Variants in ABRA observed in about 807,000 individuals in gnomAD.
The protein encoded by ABRA is actin binding Rho activating protein, also known as actin-binding Rho-activating protein.
ABRA carries 25 observed loss-of-function variants against 33.4 expected under a neutral mutation model. The ratio of observed to expected loss-of-function variants is 0.75; its 90% CI spans 0.55 to 1.04. ABRA has a LOEUF of 1.04. Among genes scored for constraint, ABRA ranks in the 50% least tolerant of loss-of-function variants. The pLI is 0.00. For synonymous variants in ABRA, 193 were observed against 176.8 expected, an observed-to-expected ratio of 1.09 and a Z score of -0.73; for missense variants, 501 against 491.7, an observed-to-expected ratio of 1.02 and a Z score of -0.18.
In ABRA at chr8:106,759,712, G is replaced by A. The variant is rs939989049; in HGVS notation, c.*1325C>T. The A allele has an allele frequency of 7.2e-5, 11 of 152,256 alleles. No homozygotes were observed. Among genetic ancestry groups the A allele is most frequent in the South Asian group, 6.2e-4 (3 of 4,832 alleles). The allele number at this position is 152,256 out of a possible 1,614,324, so 9.4% of individuals were successfully genotyped here. ...GAAAACAAATATAATTCTTATAGCA[G>A]TCTAATACCTATTATTTTGAGGTAT... On this transcript the variant is annotated 3_prime_UTR_variant, in exon 2 of 2. Transcript: ENST00000311955.
In ABRA at chr8:106,761,137, C is replaced by T. The variant is rs1437496742; in HGVS notation, c.1046G>A (p.Gly349Asp). ...ATGTTTCCTGGCACGCATGAGAATG[C>T]CCACTACTTTATCTGAAATACGAAC... ...RYVRISDKVVGILMRARKHGL... is the reference protein window; with the variant it reads ...RYVRISDKVVDILMRARKHGL... The change falls in exon 2 of 2, where the codon GGC becomes GAC. Residue 349 changes from glycine (G) to aspartate (D), a missense_variant. Gly to Asp is a moderately conservative substitution (Grantham distance 94). Transcript: ENST00000311955. 1.9e-6 allele frequency: 3 copies of T among 1,614,076 alleles called. No individual in the cohort carries two copies. The highest frequency in any genetic ancestry group is 2.5e-6 in the Non-Finnish European group (3 of 1,180,042).
At position 106,760,202 on chromosome 8, in the gene ABRA, G is replaced by A. The variant is rs1222734881; in HGVS notation, c.*835C>T. The A allele has an allele frequency of 6.6e-6, 1 of 152,218 alleles. No individual in the cohort carries two copies. Among genetic ancestry groups the A allele is most frequent in the African/African-American group, 2.4e-5 (1 of 41,470 alleles). 9.4% of individuals were successfully genotyped at this position (152,218 alleles called of 1,614,324 possible). A position where few individuals can be genotyped will look rare whatever the true frequency, so the allele number is the denominator to read the frequency against. On this transcript the variant is annotated 3_prime_UTR_variant, in exon 2 of 2. Transcript: ENST00000311955. ...TCTCCAAGAAGTCCTACAAAGGCAAGTAAATCTGAATCTCTCACCTCTGCT... is the reference window on the plus strand; with the variant it reads ...TCTCCAAGAAGTCCTACAAAGGCAAATAAATCTGAATCTCTCACCTCTGCT...
intron 1 of ABRA, among the ~76,000 whole-genome samples, chr8:106,766,542 T>C (rs541679823): frequency 1.3e-5 from 2 of 152,298 alleles, no homozygotes; most frequent in South Asian, 2.1e-4. Context: ...AAAATTCCCA[T>C]GAGGCTTCTG....
chr8:106,769,595 T>G lies in ABRA; in HGVS notation c.596A>C (p.Glu199Ala), dbSNP rs747802246. ...ATCCTGCTCGGGCCTCTCCTCAGCC[T>G]CTCCTCCATAGCCGCTGTCCTCTGT... ...VDTEDSGYGGEAEERPEQDGV... is the reference protein window; with the variant it reads ...VDTEDSGYGGAAEERPEQDGV... Residue 199 changes from glutamate to alanine, a missense_variant, in exon 1 of 2, where the codon GAG becomes GCG. Coordinates refer to ENST00000311955, the MANE Select transcript of ABRA (RefSeq NM_139166.5). 1.9e-6 allele frequency: 3 copies of G among 1,614,054 alleles called. No individual in the cohort carries two copies. The East Asian group carries it at 6.7e-5, about 36-fold the overall frequency.
Position 106,769,215 on chromosome 8 carries a change from A to G in ABRA, c.668+308T>C, listed in dbSNP as rs534837982. Among the ~76,000 whole-genome samples the G allele has an allele frequency of 2.3e-4, 35 of 152,340 alleles. No homozygotes were observed. In the East Asian group the frequency reaches 6.6e-3, roughly 29 times the overall value. On this transcript the variant is annotated intron_variant, in intron 1 of 1. Coordinates refer to ENST00000311955, the MANE Select transcript of ABRA (RefSeq NM_139166.5). ...TGTTACTCATTATAGAACTGACTTA[A>G]AGAATTCACGAAAAACAGGCTTCCC...
chr8:106,761,265 G>A lies in ABRA; in HGVS notation c.918C>T (p.Ile306=), dbSNP rs1447574921. 1.2e-6 allele frequency: 2 copies of A among 1,614,114 alleles called. No homozygotes were observed. Among genetic ancestry groups the A allele is most frequent in the Non-Finnish European group, 1.7e-6 (2 of 1,180,048 alleles). ...AERAKRAEEH[I]YREMMDMCFI... The stretch of plus-strand genomic sequence containing the variant: ...AGCACATGTCCATCATTTCCCTGTA[G>A]ATGTGCTCCTCAGCACGCTTGGCCC... Residue 306 remains isoleucine (I), a synonymous_variant, in exon 2 of 2, where the codon ATC becomes ATT. Coordinates refer to ENST00000311955, the MANE Select transcript of ABRA (RefSeq NM_139166.5).
intron 1 of ABRA, among the ~76,000 whole-genome samples, chr8:106,764,265 T>G (rs535054058): frequency 2.0e-5 from 3 of 152,252 alleles, no homozygotes; most frequent in Non-Finnish European, 2.9e-5. Flanking sequence ...CCTTTTTTTC[T>G]TCTAATTTTT....
Position 106,761,184 on chromosome 8 carries a change from A to C in ABRA, c.999T>G (p.Phe333Leu), listed in dbSNP as rs771134219. 9.4e-5 allele frequency: 152 copies of C among 1,614,134 alleles called. 1 individual carries two copies. Among genetic ancestry groups the C allele is most frequent in the Admixed American group, 2.5e-4 (15 of 60,002 alleles). Residue 333 changes from phenylalanine to leucine, a missense_variant, in exon 2 of 2, where the codon TTT (phenylalanine) becomes TTG (leucine). Coordinates refer to ENST00000311955, the MANE Select transcript of ABRA (RefSeq NM_139166.5). ...HRRDGKIQVT[F>L]GDLFDRYVRI... ...GAACGTATCTGTCAAAGAGATCTCC[A>C]AAAGTAACCTGGATCTTGCCATCTC... is the stretch of plus-strand genomic sequence containing the variant.
chr8:106,763,244 G>A (rs772721087), intron 1 of ABRA, among the ~76,000 whole-genome samples: 1 of 152,092 alleles, frequency 6.6e-6, no homozygotes, highest in Non-Finnish European at 1.5e-5. Flanking sequence ...ACTAGATGGC[G>A]AACTTTCATC....
intron 1 of ABRA, among the ~76,000 whole-genome samples, chr8:106,768,228 G>A (rs1810535713): frequency 6.6e-6 from 1 of 151,910 alleles, no homozygotes; most frequent in Non-Finnish European, 1.5e-5. Context: ...GTCTATAAAT[G>A]TAATGACATC....
chr8:106,770,040 AGCCTGTAGGCTCCTGGGCCT>A lies in ABRA; in HGVS notation c.131_150del (p.Gln44LeufsTer14). The stretch of plus-strand genomic sequence containing the variant: ...GAGTCCTGGGTCCCTCCCGGCAGCC[AGCCTGTAGGCTCCTGGGCCT>A]GCCTGATGCTGTTCTCATTCGCCCA... On this transcript the variant is annotated frameshift_variant, in exon 1 of 2. Transcript: ENST00000311955. LOFTEE classifies it high-confidence loss of function. 6.2e-7 allele frequency: 1 copy of A among 1,614,096 alleles called. No individual in the cohort carries two copies. Among genetic ancestry groups the A allele is most frequent in the Non-Finnish European group, 8.5e-7 (1 of 1,180,012 alleles).
In ABRA at chr8:106,769,531, C is replaced by G. The variant is rs770828394; in HGVS notation, c.660G>C (p.Leu220Phe). Residue 220 changes from leucine to phenylalanine, a missense_variant, in exon 1 of 2, where the codon TTG (leucine) becomes TTC (phenylalanine). Transcript: ENST00000311955. ...AGAATGCATTCACTTACTGGGAGGG[C>G]AAGGGGCGCTTGATCCTGACCACAG... is the stretch of plus-strand genomic sequence containing the variant. Reference protein sequence around the residue: ...QVAVVRIKRPLPSQVNRFTEK... With the variant: ...QVAVVRIKRPFPSQVNRFTEK... The G allele has an allele frequency of 1.2e-6, 2 of 1,612,238 alleles. No individual in the cohort carries two copies. Among genetic ancestry groups the G allele is most frequent in the Admixed American group, 3.3e-5 (2 of 59,934 alleles).
At chr8:106,769,294 C>A (rs1810558092) in intron 1 of ABRA, among the ~76,000 whole-genome samples, 1 of 152,156 alleles carries the variant, frequency 6.6e-6, no homozygotes, top group African/African-American at 2.4e-5. Flanking sequence ...CAGTTCAAAA[C>A]AAAAACGAGA....
At position 106,770,159 on chromosome 8, in the gene ABRA, C is replaced by T. The variant is rs934334463; in HGVS notation, c.32G>A (p.Gly11Asp). 5 of 1,611,740 alleles carry T rather than the reference C, an allele frequency of 3.1e-6. No individual in the cohort carries two copies. The highest frequency in any genetic ancestry group is 1.3e-5 in the African/African-American group (1 of 74,878). The stretch of plus-strand genomic sequence containing the variant: ...CTTCCGGAGGGCGCTCTTGGCTGGG[C>T]CCTCCCCGCTTTCCTTTTCGCCCGG... The part of the protein sequence containing the change: MAPGEKESGE[G>D]PAKSALRKIR... Residue 11 changes from glycine (G) to aspartate (D), a missense_variant, in exon 1 of 2, where the codon GGC becomes GAC. Transcript: ENST00000311955.
Position 106,761,076 on chromosome 8 carries a change from T to C in ABRA, c.1107A>G (p.Gln369=). The part of the protein sequence containing the change: ...LVDFEGEMLW[Q]GRDDHVVITL... Reference sequence around the variant, plus strand: ...TAATCACAACATGGTCATCTCGGCCTTGCCATAGCATCTCTCCTTCAAAGT... The same window carrying C: ...TAATCACAACATGGTCATCTCGGCCCTGCCATAGCATCTCTCCTTCAAAGT... The change falls in exon 2 of 2, where the codon CAA becomes CAG. Residue 369 remains glutamine (Q), a synonymous_variant. Transcript: ENST00000311955. The C allele has an allele frequency of 2.5e-6, 4 of 1,614,190 alleles. No homozygotes were observed. The highest frequency in any genetic ancestry group is 3.4e-6 in the Non-Finnish European group (4 of 1,180,010).
chr8:106,769,375 T>C, intron 1 of ABRA, 148 bp downstream of exon 1: 1 of 1,115,934 alleles, frequency 9.0e-7, no homozygotes, highest in Non-Finnish European at 1.3e-6. Context: ...CCCAGGGACA[T>C]CCCTCCTCTA....
rs1266381212 is a variant in ABRA, at chr8:106,769,608, C to T, written c.583G>A (p.Gly195Ser). The T allele has an allele frequency of 2.6e-5, 42 of 1,614,060 alleles. No homozygotes were observed. Among genetic ancestry groups the T allele is most frequent in the Non-Finnish European group, 3.6e-5 (42 of 1,180,038 alleles). The change falls in exon 1 of 2, where the codon GGC (glycine) becomes AGC (serine). Residue 195 changes from glycine (G) to serine (S), a missense_variant. Gly to Ser is a moderately conservative substitution (Grantham distance 56). Transcript: ENST00000311955. Reference protein sequence around the residue: ...RSDSVDTEDSGYGGEAEERPE... With the variant: ...RSDSVDTEDSSYGGEAEERPE... ...CTCTCCTCAGCCTCTCCTCCATAGC[C>T]GCTGTCCTCTGTGTCTACGCTGTCA...
In ABRA at chr8:106,769,869, C is replaced by CTT; in HGVS notation, c.320_321dup (p.Glu108LysfsTer18). On this transcript the variant is annotated frameshift_variant, in exon 1 of 2. Coordinates refer to ENST00000311955, the MANE Select transcript of ABRA (RefSeq NM_139166.5). LOFTEE classifies it high-confidence loss of function. ...TTGCTGACCACCGTTTTGGACACCTCTTTCTTTTTGATGTGAGAAACCTCA... is the reference window on the plus strand; with the variant it reads ...TTGCTGACCACCGTTTTGGACACCTCTTTTTCTTTTTGATGTGAGAAACCTCA... The CTT allele has an allele frequency of 6.2e-7, 1 of 1,614,160 alleles. No individual in the cohort carries two copies. The highest frequency in any genetic ancestry group is 8.5e-7 in the Non-Finnish European group (1 of 1,180,032).
Position 106,760,863 on chromosome 8 carries a change from A to G in ABRA, c.*174T>C, listed in dbSNP as rs1469849335. The G allele has an allele frequency of 9.2e-6, 6 of 649,202 alleles. No individual in the cohort carries two copies. The highest frequency in any genetic ancestry group is 1.3e-5 in the Non-Finnish European group (5 of 372,012). The allele number at this position is 649,202 out of a possible 1,614,324, so 40.2% of individuals were successfully genotyped here. A position where few individuals can be genotyped will look rare whatever the true frequency, so the allele number is the denominator to read the frequency against. On this transcript the variant is annotated 3_prime_UTR_variant, in exon 2 of 2. Transcript: ENST00000311955. ...TTTCTGAAATGCTTTGTGCCTTCTC[A>G]AAATCTCCAAAATTCCTCATTCTAG... is the stretch of plus-strand genomic sequence containing the variant.
Sources: allele counts gnomAD v4.1 joint callset (sites outside exome capture counted in the v4.1 genomes callset), GRCh38; gene constraint gnomAD v4.1.1; transcripts MANE v1.5; gene names NCBI Gene and HGNC (gene_info 2026-07-23, HGNC 2026-07-21).